Variants in CHI3L2 observed in about 807,000 individuals in gnomAD.
The protein encoded by CHI3L2 is chitinase-3-like protein 2.
In CHI3L2, 47 loss-of-function variants were observed where a neutral mutation model predicts 47.3. That is an observed-to-expected ratio of 0.99 (90% CI 0.79 to 1.27). CHI3L2 has a LOEUF of 1.27. Among genes scored for constraint, CHI3L2 ranks in the 50% most tolerant of loss-of-function variants. CHI3L2 has a pLI of 0.00. For missense variants in CHI3L2, 497 were observed against 462.1 expected (o/e 1.08, Z -0.69); for synonymous variants, 198 against 169.9 (o/e 1.17, Z -1.28).
intron 4 of CHI3L2, among the ~76,000 whole-genome samples, chr1:111,232,227 C>G (rs1028684638): frequency 2.0e-5 from 3 of 152,208 alleles, no homozygotes; most frequent in African/African-American, 7.2e-5. Context: ...TCCGTGAACA[C>G]CCTTCAATAT....
intron 1 of CHI3L2, among the ~76,000 whole-genome samples, chr1:111,228,522 A>G (rs888490510): frequency 1.3e-5 from 2 of 152,144 alleles, no homozygotes; most frequent in African/African-American, 4.8e-5. Context: ...CACTTTGGAG[A>G]AGGGCCTGGA....
At position 111,235,946 on chromosome 1, in the gene CHI3L2, C is replaced by G. The variant is rs77947203; in HGVS notation, c.606-78C>G. 4,341 of 1,580,938 alleles carry G rather than the reference C, an allele frequency of 2.7e-3. 8 individuals are homozygous for G. The highest frequency in any genetic ancestry group is 3.4e-3 in the Non-Finnish European group (3,913 of 1,160,498). ...TTTCAATCCTTCTAGCAGCATCATT[C>G]AAAGCCAAAACAATTACTTACAATT... is the stretch of plus-strand genomic sequence containing the variant. On this transcript the variant is annotated intron_variant, in intron 6 of 10. Transcript: ENST00000369748.
intron 8 of CHI3L2, among the ~76,000 whole-genome samples, chr1:111,239,998 C>T (rs1404834968): frequency 1.3e-5 from 2 of 152,000 alleles, no homozygotes; most frequent in Non-Finnish European, 2.9e-5. Flanking sequence ...TATTGTAAAA[C>T]AATATGGGAT....
At chr1:111,233,380 C>T (rs183105360) in intron 4 of CHI3L2, among the ~76,000 whole-genome samples, 4 of 152,198 alleles carry the variant, frequency 2.6e-5, no homozygotes, top group Non-Finnish European at 5.9e-5. Context: ...ACCCTCAGTC[C>T]CAATTTAGAG....
In CHI3L2 at chr1:111,238,736, T is replaced by G; in HGVS notation, c.736-14T>G. The G allele has an allele frequency of 6.2e-7, 1 of 1,613,168 alleles. No individual in the cohort carries two copies. The highest frequency in any genetic ancestry group is 2.2e-5 in the East Asian group (1 of 44,826). Reference sequence around the variant, plus strand: ...TCCCCACACTCTGAGCCTCCATCTCTCTTCCCATTCTAGGAATATGCTGTG... The same window carrying G: ...TCCCCACACTCTGAGCCTCCATCTCGCTTCCCATTCTAGGAATATGCTGTG... On this transcript the variant is annotated splice_polypyrimidine_tract_variant and intron_variant, in intron 7 of 10. Coordinates refer to ENST00000369748, the MANE Select transcript of CHI3L2 (RefSeq NM_004000.3).
intron 5 of CHI3L2, 119 bp from the exon 6 acceptor site, chr1:111,235,520 G>A: frequency 8.3e-7 from 1 of 1,206,598 alleles, no homozygotes. Context: ...GGGTGGGGAG[G>A]AAAGGGTTGA....
At chr1:111,238,636 G>A in intron 7 of CHI3L2, 114 bp from the exon 8 acceptor site, 3 of 1,082,182 alleles carry the variant, frequency 2.8e-6, no homozygotes, top group Non-Finnish European at 2.8e-6. Flanking sequence ...TTCACACTCG[G>A]ATGTAGAAAA....
chr1:111,227,832 T>C (rs1341709887), intron 1 of CHI3L2, 63 bp downstream of exon 1: 1 of 1,474,126 alleles, frequency 6.8e-7, no homozygotes, highest in Non-Finnish European at 9.5e-7. Context: ...AACAGGTCTG[T>C]AGAAGAAGTA....
Position 111,236,120 on chromosome 1 carries a change from G to C in CHI3L2, c.702G>C (p.Trp234Cys), listed in dbSNP as rs764346995. ...TGHNSPLSKG[W>C]QDRGPSSYYN... is the part of the protein sequence containing the mutation. ...ACAACAGCCCTCTGAGCAAGGGGTGGCAGGACAGAGGGCCAAGCTCCTACT... is the reference window on the plus strand; with the variant it reads ...ACAACAGCCCTCTGAGCAAGGGGTGCCAGGACAGAGGGCCAAGCTCCTACT... Residue 234 changes from tryptophan (W) to cysteine (C), a missense_variant, in exon 7 of 11, where the codon TGG becomes TGC. Trp to Cys is a radical substitution (Grantham distance 215, BLOSUM62 -2). Coordinates refer to ENST00000369748, the MANE Select transcript of CHI3L2 (RefSeq NM_004000.3). 9 of 1,614,196 alleles carry C rather than the reference G, an allele frequency of 5.6e-6. No individual in the cohort carries two copies. In the South Asian group the frequency reaches 9.9e-5, roughly 18 times the overall value.
intron 2 of CHI3L2, among the ~76,000 whole-genome samples, 159 bp from the exon 3 acceptor site, chr1:111,230,583 A>G (rs1421669198): frequency 4.6e-4 from 70 of 152,036 alleles, no homozygotes; most frequent in Non-Finnish European, 2.8e-4. Flanking sequence ...GGGTCTGGGT[A>G]CTCAAGAGCC....
At chr1:111,232,825 G>A (rs1401494916) in intron 4 of CHI3L2, among the ~76,000 whole-genome samples, 1 of 152,204 alleles carries the variant, frequency 6.6e-6, no homozygotes, top group Non-Finnish European at 1.5e-5. Flanking sequence ...AGGCTCAGGT[G>A]CAATGGCTTT....
At position 111,238,888 on chromosome 1, in the gene CHI3L2, G is replaced by A. The variant is rs1319380396; in HGVS notation, c.874G>A (p.Ala292Thr). 1.2e-6 allele frequency: 2 copies of A among 1,612,498 alleles called. No individual in the cohort carries two copies. Among genetic ancestry groups the A allele is most frequent in the Non-Finnish European group, 1.7e-6 (2 of 1,179,296 alleles). Residue 292 changes from alanine (A) to threonine (T), a missense_variant, in exon 8 of 11, where the codon GCT becomes ACT. Coordinates refer to ENST00000369748, the MANE Select transcript of CHI3L2 (RefSeq NM_004000.3). ...VGAPASGPGA[A>T]GPITESSGFL... Reference sequence around the variant, plus strand: ...GGCCCCTGCCTCTGGCCCTGGAGCTGCTGGACCCATCACAGAGTCTTCAGG... The same window carrying A: ...GGCCCCTGCCTCTGGCCCTGGAGCTACTGGACCCATCACAGAGTCTTCAGG...
At chr1:111,234,216 A>G (rs567301349) in intron 4 of CHI3L2, among the ~76,000 whole-genome samples, 1 of 152,028 alleles carries the variant, frequency 6.6e-6, no homozygotes, top group East Asian at 1.9e-4. Context: ...AAAGAAAACC[A>G]AAGCTGGACA....
intron 1 of CHI3L2, among the ~76,000 whole-genome samples, chr1:111,228,209 T>TTAA (rs1659583670): frequency 1.3e-5 from 2 of 152,216 alleles, no homozygotes; most frequent in Non-Finnish European, 2.9e-5. Context: ...AAACTCTCCC[T>TTAA]TTCAACTCTA....
chr1:111,242,459 A>G, intron 10 of CHI3L2, 93 bp downstream of exon 10: 1 of 1,374,718 alleles, frequency 7.3e-7, no homozygotes. Context: ...TATTTGGACT[A>G]ATCCTTTCTC....
Position 111,227,770 on chromosome 1 carries a change from G to T in CHI3L2, c.40+1G>T, listed in dbSNP as rs1659568000. ...ATGGACCAGAAGTCTCTCTGGGCAG[G>T]TGAGCATGGGGTTGATAATTCAGCA... On this transcript the variant is annotated splice_donor_variant, in intron 1 of 10. Transcript: ENST00000369748. LOFTEE classifies it high-confidence loss of function. 6.2e-7 allele frequency: 1 copy of T among 1,614,018 alleles called. No individual in the cohort carries two copies. The highest frequency in any genetic ancestry group is 8.5e-7 in the Non-Finnish European group (1 of 1,179,978).
intron 4 of CHI3L2, among the ~76,000 whole-genome samples, chr1:111,232,375 A>G (rs1465558272): frequency 6.6e-6 from 1 of 151,962 alleles, no homozygotes; most frequent in Non-Finnish European, 1.5e-5. Context: ...TCATTCATTC[A>G]GTAAATTCAT....
At chr1:111,235,565 A>G (rs2251715) in intron 5 of CHI3L2, 74 bp from the exon 6 acceptor site, 616,975 of 1,506,452 alleles carry the variant, frequency 0.41, 131,512 homozygotes, top group East Asian at 0.54. Context: ...GAAACCTCAT[A>G]GATTCCAGGC....
chr1:111,238,722 T>C (rs766553749), intron 7 of CHI3L2, 28 bp from the exon 8 acceptor site: 46 of 1,611,066 alleles, frequency 2.9e-5, no homozygotes, highest in Admixed American at 5.0e-5. Context: ...CCCCACACTC[T>C]GAGCCTCCAT....
Sources: allele counts gnomAD v4.1 joint callset (sites outside exome capture counted in the v4.1 genomes callset), GRCh38; gene constraint gnomAD v4.1.1; transcripts MANE v1.5; gene names NCBI Gene and HGNC (gene_info 2026-07-23, HGNC 2026-07-21).